LDLRAD3: variants seen among roughly 807,000 people sequenced by gnomAD.
LDLRAD3 encodes the protein low density lipoprotein receptor class A domain containing 3.
In LDLRAD3, 20 loss-of-function variants were observed where a neutral mutation model predicts 29.4. That is an observed-to-expected ratio of 0.68 (90% confidence interval 0.48 to 0.99). The LOEUF is 0.99. Among genes scored for constraint, LDLRAD3 ranks in the 50% least tolerant of loss-of-function variants. The probability of loss-of-function intolerance (pLI) is 0.00; values close to 1 mark genes in which losing one functional copy is unlikely to be tolerated. For synonymous variants in LDLRAD3, 157 were observed against 192.7 expected (o/e 0.81, Z 1.53); for missense variants, 420 against 454.3 (o/e 0.92, Z 0.69).
intron 4 of LDLRAD3, among the ~76,000 whole-genome samples, chr11:36,185,907 A>G (rs1284332624): frequency 6.6e-6 from 1 of 152,238 alleles, no homozygotes; most frequent in Non-Finnish European, 1.5e-5. Context: ...TGACCCTAGC[A>G]ATACCTAGAG....
intron 4 of LDLRAD3, among the ~76,000 whole-genome samples, chr11:36,182,384 CA>C (rs1027492199): frequency 6.8e-6 from 1 of 147,386 alleles, no homozygotes; most frequent in African/African-American, 2.5e-5. Flanking sequence ...CCTGCCCCCG[CA>C]AAAAAAAAGA....
intron 3 of LDLRAD3, among the ~76,000 whole-genome samples, chr11:36,094,852 T>G (rs1330647716): frequency 6.6e-6 from 1 of 152,212 alleles, no homozygotes; most frequent in African/African-American, 2.4e-5. Context: ...TAGTCATTTC[T>G]GATTTTTTAA....
chr11:36,128,047 G>C (rs762900517), intron 4 of LDLRAD3, among the ~76,000 whole-genome samples: 1 of 149,468 alleles, frequency 6.7e-6, no homozygotes, highest in Non-Finnish European at 1.5e-5. Flanking sequence ...CACACTCACT[G>C]ATCTGAGGCA....
At chr11:36,212,254 G>A (rs991559477) in intron 4 of LDLRAD3, among the ~76,000 whole-genome samples, 7 of 152,108 alleles carry the variant, frequency 4.6e-5, no homozygotes, top group East Asian at 1.9e-4. Context: ...GATTGATCCC[G>A]GTGCAGGTGC....
chr11:36,042,847 ACAGCCCC>A (rs915866065), intron 2 of LDLRAD3, among the ~76,000 whole-genome samples: 1 of 152,190 alleles, frequency 6.6e-6, no homozygotes, highest in African/African-American at 2.4e-5. Flanking sequence ...TCCTTCCATC[ACAGCCCC>A]CAGAGGGAAT....
At chr11:36,015,743 T>G (rs1054363505) in intron 1 of LDLRAD3, among the ~76,000 whole-genome samples, 1 of 152,060 alleles carries the variant, frequency 6.6e-6, no homozygotes, top group Admixed American at 6.6e-5. Flanking sequence ...TGGCTCCTTT[T>G]ACTCCACGTT....
intron 4 of LDLRAD3, among the ~76,000 whole-genome samples, chr11:36,149,911 G>T (rs1854252958): frequency 6.6e-6 from 1 of 152,158 alleles, no homozygotes; most frequent in Non-Finnish European, 1.5e-5. Flanking sequence ...CATGAATGTG[G>T]CTGAATTGAG....
chr11:36,124,514 G>T (rs76444815), intron 4 of LDLRAD3, among the ~76,000 whole-genome samples: 1 of 151,948 alleles, frequency 6.6e-6, no homozygotes, highest in African/African-American at 2.4e-5. Context: ...CCTTAACCAC[G>T]GCTCTCCCAA....
chr11:36,098,591 C>A, intron 4 of LDLRAD3, 130 bp downstream of exon 4: 1 of 1,023,846 alleles, frequency 9.8e-7, no homozygotes, highest in Non-Finnish European at 1.4e-6. Flanking sequence ...TGCACTCAGC[C>A]TTGCAGCCCT....
chr11:36,125,644 A>G (rs1367058853), intron 4 of LDLRAD3, among the ~76,000 whole-genome samples: 2 of 152,124 alleles, frequency 1.3e-5, no homozygotes, highest in African/African-American at 4.8e-5. Flanking sequence ...ACGGTGATCA[A>G]AGGGTTGTTC....
intron 4 of LDLRAD3, among the ~76,000 whole-genome samples, chr11:36,105,797 C>T (rs1379246179): frequency 7.2e-5 from 11 of 152,244 alleles, no homozygotes; most frequent in East Asian, 3.9e-4. Flanking sequence ...GCCTCTGGAA[C>T]GAGGAGACAA....
intron 4 of LDLRAD3, among the ~76,000 whole-genome samples, chr11:36,167,755 G>A (rs1854536127): frequency 1.3e-5 from 2 of 152,172 alleles, no homozygotes. Flanking sequence ...TTGTTTTCAT[G>A]CCACGCAGTT....
chr11:36,079,495 A>G (rs1853075990), intron 2 of LDLRAD3, among the ~76,000 whole-genome samples: 1 of 152,232 alleles, frequency 6.6e-6, no homozygotes, highest in Admixed American at 6.5e-5. Context: ...GCTAGAGCCC[A>G]AGGTAGTAGA....
At chr11:35,991,867 TTGTGTGTGTGTGTGTG>T (rs33941156) in intron 1 of LDLRAD3, among the ~76,000 whole-genome samples, 1 of 82,684 alleles carries the variant, frequency 1.2e-5, no homozygotes, top group Non-Finnish European at 3.1e-5. Flanking sequence ...GAATGGTTGT[TTGTGTGTGTGTGTGTG>T]TGTGTGTGTG....
chr11:36,037,542 T>A (rs962300710), intron 2 of LDLRAD3, among the ~76,000 whole-genome samples: 1 of 152,180 alleles, frequency 6.6e-6, no homozygotes, highest in African/African-American at 2.4e-5. Flanking sequence ...CTCAAACTAC[T>A]GACCTCATGA....
chr11:36,149,459 C>T (rs1411093974), intron 4 of LDLRAD3, among the ~76,000 whole-genome samples: 2 of 152,186 alleles, frequency 1.3e-5, no homozygotes, highest in Admixed American at 6.5e-5. Flanking sequence ...AATAACCCAA[C>T]TTGGAAGGCC....
chr11:36,050,721 C>T (rs1442857928), intron 2 of LDLRAD3, among the ~76,000 whole-genome samples: 2 of 152,170 alleles, frequency 1.3e-5, no homozygotes, highest in African/African-American at 2.4e-5. Context: ...GTTGAAGACC[C>T]TCTGCTTTAT....
At chr11:35,990,297 A>G (rs1851671785) in intron 1 of LDLRAD3, among the ~76,000 whole-genome samples, 1 of 152,172 alleles carries the variant, frequency 6.6e-6, no homozygotes, top group Non-Finnish European at 1.5e-5. Context: ...AGGTGTTTGT[A>G]GGGCTGGTTC....
intron 2 of LDLRAD3, among the ~76,000 whole-genome samples, chr11:36,078,060 C>T (rs762884120): frequency 2.0e-5 from 3 of 152,208 alleles, no homozygotes; most frequent in Non-Finnish European, 4.4e-5. Flanking sequence ...GTTCAGCTCT[C>T]AGCAGAGAGG....
Sources: gnomAD v4.1 joint callset for allele counts (sites outside exome capture counted in the v4.1 genomes callset) on GRCh38, gnomAD v4.1.1 for gene constraint, MANE v1.5 for transcripts, NCBI Gene and HGNC (gene_info 2026-07-23, HGNC 2026-07-21) for gene names.